PTPRD: variants seen among roughly 807,000 people sequenced by gnomAD.
PTPRD encodes protein tyrosine phosphatase receptor type D.
PTPRD carries 34 observed loss-of-function variants against 214.5 expected under a neutral mutation model. That is an observed-to-expected ratio of 0.16 (90% CI 0.12 to 0.21). The LOEUF is 0.21. Ranked by LOEUF, PTPRD falls within the 10% of genes least tolerant of loss-of-function variation. PTPRD has a pLI of 1.00. For missense variants in PTPRD, 2,545 were observed against 2,398.7 expected (o/e 1.06, Z -1.27); for synonymous variants, 1,128 against 845.7 (o/e 1.33, Z -5.79).
chr9:9,567,710 T>G (rs1190639135), intron 8 of PTPRD, among the ~76,000 whole-genome samples: 2 of 151,996 alleles, frequency 1.3e-5, no homozygotes, highest in Non-Finnish European at 2.9e-5. Flanking sequence ...AACTTGAATT[T>G]TTTATCCCCC....
chr9:9,027,380 C>A (rs1241710518), intron 10 of PTPRD, among the ~76,000 whole-genome samples: 1 of 151,992 alleles, frequency 6.6e-6, no homozygotes, highest in Non-Finnish European at 1.5e-5. Context: ...GTACACTATA[C>A]AAACACTGTA....
intron 3 of PTPRD, among the ~76,000 whole-genome samples, chr9:10,249,250 C>G (rs1219134419): frequency 2.0e-5 from 3 of 152,120 alleles, no homozygotes; most frequent in Admixed American, 6.6e-5. Flanking sequence ...AGTGATTGTT[C>G]ACCTTGTGAA....
At chr9:9,100,791 C>G (rs1032084412) in intron 10 of PTPRD, among the ~76,000 whole-genome samples, 1 of 152,070 alleles carries the variant, frequency 6.6e-6, no homozygotes. Context: ...ATATAAAAAT[C>G]TCACAGTGAT....
chr9:9,466,302 C>T (rs2146210603), intron 8 of PTPRD, among the ~76,000 whole-genome samples: 1 of 152,094 alleles, frequency 6.6e-6, no homozygotes, highest in African/African-American at 2.4e-5. Flanking sequence ...GAGTGACACC[C>T]TGTCTCTAAA....
intron 12 of PTPRD, among the ~76,000 whole-genome samples, chr9:8,675,582 T>TA (rs1452390408): frequency 1.4e-5 from 2 of 141,650 alleles, no homozygotes; most frequent in African/African-American, 5.4e-5. Flanking sequence ...CTGGCAATCC[T>TA]ATTCCCTCCA....
At chr9:10,331,002 G>C (rs958729632) in intron 3 of PTPRD, among the ~76,000 whole-genome samples, 6 of 151,680 alleles carry the variant, frequency 4.0e-5, no homozygotes, top group African/African-American at 1.2e-4. Context: ...TTTCAGTTTT[G>C]TCCTTGTTCT....
intron 3 of PTPRD, among the ~76,000 whole-genome samples, chr9:10,044,777 G>A (rs182324193): frequency 2.1e-4 from 32 of 151,722 alleles, no homozygotes; most frequent in African/African-American, 7.0e-4. Context: ...TCACACAGCA[G>A]CACAAACCTT....
At chr9:9,799,705 C>T (rs1598197018) in intron 5 of PTPRD, 1 of 151,960 alleles carries the variant, frequency 6.6e-6, no homozygotes, top group Non-Finnish European at 1.5e-5. Context: ...GAAGGTTAGG[C>T]TTCAATAAAA....
At chr9:8,563,200 T>C (rs967528267) in intron 14 of PTPRD, among the ~76,000 whole-genome samples, 1 of 152,024 alleles carries the variant, frequency 6.6e-6, no homozygotes, top group Admixed American at 6.6e-5. Context: ...AGTGACAGGG[T>C]GATGACTGTT....
At chr9:9,459,797 C>T (rs754909584) in intron 8 of PTPRD, among the ~76,000 whole-genome samples, 2 of 151,938 alleles carry the variant, frequency 1.3e-5, no homozygotes, top group Non-Finnish European at 1.5e-5. Context: ...TAAATATGAT[C>T]CCTATCAAAT....
At chr9:10,477,046 C>T (rs1476016662) in intron 2 of PTPRD, among the ~76,000 whole-genome samples, 51 of 152,062 alleles carry the variant, frequency 3.4e-4, no homozygotes, top group Admixed American at 3.3e-3. Context: ...GAAACCTAGG[C>T]AATACCATTC....
At chr9:9,587,421 G>A (rs1263794343) in intron 7 of PTPRD, among the ~76,000 whole-genome samples, 2 of 151,968 alleles carry the variant, frequency 1.3e-5, no homozygotes, top group Non-Finnish European at 2.9e-5. Context: ...TTGCCCATGG[G>A]CATAGATCTA....
At chr9:9,000,519 A>C (rs187116611) in intron 11 of PTPRD, among the ~76,000 whole-genome samples, 14 of 152,048 alleles carry the variant, frequency 9.2e-5, no homozygotes, top group Middle Eastern at 3.4e-3. Context: ...CTTTTTAAAA[A>C]ACTTGGCCTC....
chr9:9,298,620 A>G (rs1232677838), intron 9 of PTPRD, among the ~76,000 whole-genome samples: 1 of 151,842 alleles, frequency 6.6e-6, no homozygotes, highest in Non-Finnish European at 1.5e-5. Flanking sequence ...TAACCAAATC[A>G]GTAGAGGAGC....
chr9:9,218,353 T>C (rs1178907565), intron 9 of PTPRD, among the ~76,000 whole-genome samples: 1 of 152,152 alleles, frequency 6.6e-6, no homozygotes, highest in Non-Finnish European at 1.5e-5. Context: ...ACACTTCATT[T>C]TTAAAAGCCA....
At chr9:9,370,751 T>C (rs1463801719) in intron 9 of PTPRD, among the ~76,000 whole-genome samples, 1 of 152,128 alleles carries the variant, frequency 6.6e-6, no homozygotes, top group African/African-American at 2.4e-5. Context: ...GGTGGGTTTG[T>C]CATAGATAGC....
At chr9:8,826,638 T>TTTC in intron 11 of PTPRD, among the ~76,000 whole-genome samples, 1 of 151,786 alleles carries the variant, frequency 6.6e-6, no homozygotes, top group South Asian at 2.1e-4. Flanking sequence ...CCATCTTTTT[T>TTTC]TTTTTTTCTA....
intron 3 of PTPRD, among the ~76,000 whole-genome samples, chr9:10,285,678 T>C (rs571213768): frequency 2.1e-5 from 3 of 145,452 alleles, no homozygotes; most frequent in Non-Finnish European, 4.5e-5. Flanking sequence ...TGGTGCCATC[T>C]AGGCTCACTG....
At chr9:10,501,052 C>T (rs538113877) in intron 2 of PTPRD, among the ~76,000 whole-genome samples, 1 of 151,904 alleles carries the variant, frequency 6.6e-6, no homozygotes, top group African/African-American at 2.4e-5. Flanking sequence ...GGGGTATATG[C>T]CCAGCAGTGG....
Sources: allele counts gnomAD v4.1 joint callset (sites outside exome capture counted in the v4.1 genomes callset), GRCh38; gene constraint gnomAD v4.1.1; transcripts MANE v1.5; gene names NCBI Gene and HGNC (gene_info 2026-07-23, HGNC 2026-07-21).